The following OR1F1 variants were observed in gnomAD, a reference collection of about 807,000 sequenced individuals.
OR1F1 encodes olfactory receptor family 1 subfamily F member 1.
For missense variants in OR1F1, 493 were observed against 376.3 expected, an observed-to-expected ratio of 1.31 and a Z score of -2.57; for synonymous variants, 184 against 156.7, an observed-to-expected ratio of 1.17 and a Z score of -1.30.
At chr16:3,193,885 C>T in the OR1F1 span, among the ~76,000 whole-genome samples, 3 of 152,174 alleles carry the variant, frequency 2.0e-5, no homozygotes, top group Non-Finnish European at 4.4e-5. Flanking sequence ...GTTATTCTGT[C>T]TTTTAATATT....
chr16:3,200,397 A>G (rs779382011), upstream of OR1F1, among the ~76,000 whole-genome samples: 2 of 152,204 alleles, frequency 1.3e-5, no homozygotes, highest in Non-Finnish European at 2.9e-5. Context: ...ACTTGAGCTC[A>G]GGAATTCGAG....
the OR1F1 span, chr16:3,191,386 G>T: frequency 2.6e-5 from 4 of 152,194 alleles, no homozygotes; most frequent in African/African-American, 7.2e-5. Context: ...AACTGAACCT[G>T]TTGTAGGGGA....
At chr16:3,198,357 G>T in the OR1F1 span, among the ~76,000 whole-genome samples, 1 of 151,994 alleles carries the variant, frequency 6.6e-6, no homozygotes, top group Non-Finnish European at 1.5e-5. Flanking sequence ...CAAAATAGCT[G>T]GTGTGCCATC....
chr16:3,198,816 C>T, the OR1F1 span, among the ~76,000 whole-genome samples: 6,989 of 151,662 alleles, frequency 0.046, 577 homozygotes, highest in African/African-American at 0.16. Context: ...GGCAAAACCC[C>T]GGCTCTACAA....
the OR1F1 span, among the ~76,000 whole-genome samples, chr16:3,189,236 C>A: frequency 6.6e-5 from 10 of 152,216 alleles, no homozygotes; most frequent in Non-Finnish European, 1.5e-4. Flanking sequence ...CGCTGAGGGA[C>A]TGCAGCGTTT....
At chr16:3,197,288 G>A in the OR1F1 span, among the ~76,000 whole-genome samples, 1 of 151,916 alleles carries the variant, frequency 6.6e-6, no homozygotes, top group Non-Finnish European at 1.5e-5. Context: ...CAAAGTGCTG[G>A]GATTACAGGT....
At chr16:3,205,694 T>C (rs1596326032), downstream of OR1F1, among the ~76,000 whole-genome samples, 1 of 152,314 alleles carries the variant, frequency 6.6e-6, no homozygotes, top group South Asian at 2.1e-4. Context: ...TCTCTGAACA[T>C]AAGCTGTGAA....
downstream of OR1F1, among the ~76,000 whole-genome samples, chr16:3,205,859 T>G (rs544814770): frequency 1.6e-3 from 242 of 152,306 alleles, 2 homozygotes; most frequent in African/African-American, 5.4e-3. Flanking sequence ...ACAAATTGAT[T>G]GTAAAACATG....
chr16:3,194,431 G>T, the OR1F1 span, among the ~76,000 whole-genome samples: 328 of 152,336 alleles, frequency 2.2e-3, 1 homozygote, highest in African/African-American at 7.3e-3. Context: ...CGGGAAGGGA[G>T]ATGACCATGA....
At chr16:3,204,588 C>T (rs778178508) in exon 1 of OR1F1, 41 of 1,614,066 alleles carry the variant, frequency 2.5e-5, no homozygotes, top group Non-Finnish European at 3.1e-5. Flanking sequence ...ACAATTTCCT[C>T]CTAGCTGTGA....
At chr16:3,200,157 G>T (rs570695061), upstream of OR1F1, among the ~76,000 whole-genome samples, 10 of 152,222 alleles carry the variant, frequency 6.6e-5, 1 homozygote, top group Middle Eastern at 3.4e-3. Flanking sequence ...AGCCTTAAAT[G>T]GTTATTCATA....
chr16:3,190,407 G>C, the OR1F1 span, among the ~76,000 whole-genome samples: 1 of 152,064 alleles, frequency 6.6e-6, no homozygotes, highest in Non-Finnish European at 1.5e-5. Flanking sequence ...CGCTGGGTTT[G>C]AGAACGTGCT....
At chr16:3,195,194 C>G in the OR1F1 span, among the ~76,000 whole-genome samples, 9,608 of 152,282 alleles carry the variant, frequency 0.063, 433 homozygotes, top group Non-Finnish European at 0.094. Flanking sequence ...CCAACCGTTC[C>G]TTCTCTTCCT....
At chr16:3,205,040 C>G in exon 1 of OR1F1, 2 of 1,614,108 alleles carry the variant, frequency 1.2e-6, no homozygotes, top group Middle Eastern at 3.3e-4. Flanking sequence ...CCTCTGTCCT[C>G]CCACTCAGCT....
chr16:3,197,036 C>A, the OR1F1 span, among the ~76,000 whole-genome samples: 2 of 152,058 alleles, frequency 1.3e-5, no homozygotes, highest in Admixed American at 6.6e-5. Context: ...GCCACTGCAC[C>A]TAATTTTTGT....
chr16:3,203,625 G>T (rs753832349), upstream of OR1F1, among the ~76,000 whole-genome samples: 2 of 152,206 alleles, frequency 1.3e-5, no homozygotes, highest in South Asian at 4.1e-4. Flanking sequence ...TTAGCTGGGC[G>T]TGGTGGCACG....
At chr16:3,196,697 AT>A in the OR1F1 span, among the ~76,000 whole-genome samples, 1 of 142,234 alleles carries the variant, frequency 7.0e-6, no homozygotes, top group Admixed American at 6.9e-5. Flanking sequence ...GGTGAAATTA[AT>A]CTTTTTTTTT....
At chr16:3,192,268 G>C in the OR1F1 span, among the ~76,000 whole-genome samples, 1 of 150,684 alleles carries the variant, frequency 6.6e-6, no homozygotes, top group South Asian at 2.1e-4. Context: ...GTGTTAGCCA[G>C]GATGGTCTTG....
exon 1 of OR1F1, chr16:3,204,248 T>A: frequency 1.3e-6 from 2 of 1,591,134 alleles, no homozygotes; most frequent in South Asian, 1.1e-5. Flanking sequence ...CCCAGGCCCA[T>A]GAGCGGGACA....
Sources: allele counts gnomAD v4.1 joint callset (sites outside exome capture counted in the v4.1 genomes callset), GRCh38; gene constraint gnomAD v4.1.1; transcripts MANE v1.5; gene names NCBI Gene and HGNC (gene_info 2026-07-23, HGNC 2026-07-21).